CNTRL: variants seen among roughly 807,000 people sequenced by gnomAD.
The protein encoded by CNTRL is 110 kDa centrosomal protein.
In CNTRL, 233 loss-of-function variants were observed where a neutral mutation model predicts 303.7. The ratio of observed to expected loss-of-function variants is 0.77; its 90% CI spans 0.69 to 0.86. CNTRL has a LOEUF of 0.86. Ranked by LOEUF, CNTRL falls within the 40% of genes least tolerant of loss-of-function variation. The probability of loss-of-function intolerance (pLI) is 0.00; values close to 1 mark genes in which losing one functional copy is unlikely to be tolerated. For synonymous variants in CNTRL, 900 were observed against 922.2 expected (o/e 0.98, Z 0.44); for missense variants, 2,524 against 2,650.6 (o/e 0.95, Z 1.05).
rs758647287 is a variant in CNTRL, at chr9:121,162,274, G to T, written c.5423+3G>T. 3 of 1,610,974 alleles carry T rather than the reference G, an allele frequency of 1.9e-6. No individual in the cohort carries two copies. The highest frequency in any genetic ancestry group is 2.5e-6 in the Non-Finnish European group (3 of 1,177,384). On this transcript the variant is annotated splice_donor_region_variant and intron_variant, in intron 34 of 43. Transcript: ENST00000373855. ...AAAAAGTTGGCACAAACCAAAAGGTGAGAGCAAGAACAAATAAGCTTGCAG... is the reference window on the plus strand; with the variant it reads ...AAAAAGTTGGCACAAACCAAAAGGTTAGAGCAAGAACAAATAAGCTTGCAG...
At chr9:121,164,856 T>C in intron 34 of CNTRL, 87 bp from the exon 35 acceptor site, 1 of 977,786 alleles carries the variant, frequency 1.0e-6, no homozygotes. Flanking sequence ...TTTCCATAAC[T>C]GTATGTTGTG....
At chr9:121,163,408 C>G (rs1047608397) in intron 34 of CNTRL, among the ~76,000 whole-genome samples, 1 of 150,834 alleles carries the variant, frequency 6.6e-6, no homozygotes, top group Non-Finnish European at 1.5e-5. Context: ...TATAAAACTT[C>G]TAGAAGAAAA....
intron 14 of CNTRL, among the ~76,000 whole-genome samples, chr9:121,127,753 T>C (rs1320902347): frequency 1.3e-5 from 2 of 151,888 alleles, no homozygotes; most frequent in African/African-American, 4.8e-5. Flanking sequence ...CATTAACTCG[T>C]CATTTACATT....
intron 25 of CNTRL, 84 bp from the exon 26 acceptor site, chr9:121,152,401 A>T: frequency 8.8e-7 from 1 of 1,130,152 alleles, no homozygotes; most frequent in Non-Finnish European, 1.3e-6. Context: ...CACTTTAACC[A>T]CAGTTAATTT....
Position 121,146,240 on chromosome 9 carries a change from C to T in CNTRL, c.3443C>T (p.Pro1148Leu), listed in dbSNP as rs760399644. ...CGAGGCTATTGGTACTTTATGCCAC[C>T]ACCACCATCATCAAAAGTAGGAATT... ...KRRGYWYFMP[P>L]PPSSKVSSHS... Residue 1148 changes from proline to leucine, a missense_variant, in exon 23 of 44, where the codon CCA (proline) becomes CTA (leucine). Physicochemically the swap from Pro to Leu is moderately conservative, Grantham distance 98. Transcript: ENST00000373855. The T allele has an allele frequency of 6.2e-7, 1 of 1,608,680 alleles. No homozygotes were observed.
chr9:121,173,701 C>G lies in CNTRL; in HGVS notation c.6711C>G (p.Leu2237=). The G allele has an allele frequency of 6.2e-7, 1 of 1,614,080 alleles. No individual in the cohort carries two copies. The change falls in exon 42 of 44, where the codon CTC becomes CTG. Residue 2237 remains leucine, a synonymous_variant. Coordinates refer to ENST00000373855, the MANE Select transcript of CNTRL (RefSeq NM_007018.6). ...ATGAACACTGGCGTGGAGAAGCACT[C>G]CGGGAGAAACTGCGTCACCGGGAAG... ...IMDEHWRGEA[L]REKLRHREDR...
chr9:121,140,543 T>C, intron 16 of CNTRL, 98 bp from the exon 17 acceptor site: 1 of 1,065,272 alleles, frequency 9.4e-7, no homozygotes, highest in Non-Finnish European at 1.3e-6. Context: ...AGGCATTGTC[T>C]GAATTTAGTT....
intron 32 of CNTRL, chr9:121,161,509 TTGTC>T (rs1564293580): frequency 3.0e-6 from 1 of 334,692 alleles, no homozygotes. Flanking sequence ...GTTAAAATGT[TTGTC>T]TGTTTATTTA....
At chr9:121,154,969 T>C in intron 27 of CNTRL, 56 bp downstream of exon 27, 1 of 1,421,504 alleles carries the variant, frequency 7.0e-7, no homozygotes. Flanking sequence ...CAGCTTACTG[T>C]CCACCTGAAG....
intron 2 of CNTRL, among the ~76,000 whole-genome samples, chr9:121,085,202 A>G (rs1415156218): frequency 1.3e-5 from 2 of 152,232 alleles, no homozygotes; most frequent in Non-Finnish European, 2.9e-5. Context: ...AAAATAGTTC[A>G]AAAATCTCTG....
At chr9:121,087,553 T>TGGTGAC (rs2048394193) in intron 2 of CNTRL, among the ~76,000 whole-genome samples, 1 of 152,010 alleles carries the variant, frequency 6.6e-6, no homozygotes, top group Admixed American at 6.6e-5. Flanking sequence ...TAGCCGGGCA[T>TGGTGAC]GGTGACAGGC....
intron 2 of CNTRL, among the ~76,000 whole-genome samples, chr9:121,082,465 A>G (rs1333938416): frequency 6.6e-6 from 1 of 152,256 alleles, no homozygotes; most frequent in East Asian, 1.9e-4. Flanking sequence ...GTTTAATTTA[A>G]CATACAGTCA....
rs2049798581 is a variant in CNTRL, at chr9:121,112,644, A to C, written c.1122+66A>C. 11 of 1,491,758 alleles carry C rather than the reference A, an allele frequency of 7.4e-6. No homozygotes were observed. In the East Asian group the frequency reaches 1.8e-4, roughly 25 times the overall value. 92.4% of individuals were successfully genotyped at this position (1,491,758 alleles called of 1,614,324 possible). ...CACATGGGATGGAATGGGGGAGGGC[A>C]GGTGGTGAGGACATGTAAGGGATTT... On this transcript the variant is annotated intron_variant, in intron 9 of 43. Coordinates refer to ENST00000373855, the MANE Select transcript of CNTRL (RefSeq NM_007018.6).
chr9:121,086,558 C>T (rs10985147), intron 2 of CNTRL, among the ~76,000 whole-genome samples: 57,831 of 150,972 alleles, frequency 0.38, 12,420 homozygotes, highest in South Asian at 0.64. Context: ...GAATCTAGAG[C>T]AATAGGGACA....
At chr9:121,126,402 T>A (rs938509469) in intron 14 of CNTRL, among the ~76,000 whole-genome samples, 11 of 152,208 alleles carry the variant, frequency 7.2e-5, no homozygotes, top group African/African-American at 2.2e-4. Flanking sequence ...CGTTTGGAGA[T>A]TTCCCTTGCT....
chr9:121,175,679 ACT>A (rs529546403), intron 43 of CNTRL, among the ~76,000 whole-genome samples: 14 of 152,172 alleles, frequency 9.2e-5, no homozygotes, highest in East Asian at 1.9e-4. Context: ...GCCGCCTTCA[ACT>A]CTCTGAAAAA....
chr9:121,140,715 T>G lies in CNTRL; in HGVS notation c.2412T>G (p.Val804=). 1 of 1,613,750 alleles carries G rather than the reference T, an allele frequency of 6.2e-7. No homozygotes were observed. Among genetic ancestry groups the G allele is most frequent in the Non-Finnish European group, 8.5e-7 (1 of 1,179,746 alleles). The change falls in exon 17 of 44, where the codon GTT becomes GTG. Residue 804 remains valine, a synonymous_variant. Coordinates refer to ENST00000373855, the MANE Select transcript of CNTRL (RefSeq NM_007018.6). ...TTAACCATGTGGTTGATGGTTTGGT[T>G]CGTCCAGAAGAAGTGGCAGCTCGTG... ...NHLNHVVDGL[V]RPEEVAARVD...
intron 40 of CNTRL, 42 bp from the exon 41 acceptor site, chr9:121,173,201 G>A: frequency 6.4e-7 from 1 of 1,559,200 alleles, no homozygotes; most frequent in South Asian, 1.2e-5. Context: ...AAGTAAGTCT[G>A]AAATTTTATA....
chr9:121,170,644 C>T (rs933451231), intron 39 of CNTRL, among the ~76,000 whole-genome samples: 15 of 151,778 alleles, frequency 9.9e-5, no homozygotes, highest in Non-Finnish European at 1.8e-4. Flanking sequence ...TTAGTAGAGA[C>T]GGGGTTCACC....
Sources: allele counts gnomAD v4.1 joint callset (sites outside exome capture counted in the v4.1 genomes callset), GRCh38; gene constraint gnomAD v4.1.1; transcripts MANE v1.5; gene names NCBI Gene and HGNC (gene_info 2026-07-23, HGNC 2026-07-21).